The following DPP6 variants were observed in gnomAD, a reference collection of about 807,000 sequenced individuals.
The protein encoded by DPP6 is dipeptidyl peptidase like 6.
A neutral mutation model predicts 122.6 loss-of-function variants in DPP6; 69 were observed. That is an observed-to-expected ratio of 0.56 (90% CI 0.46 to 0.69). The LOEUF is 0.69. Among genes scored for constraint, DPP6 ranks in the 30% least tolerant of loss-of-function variants. DPP6 has a pLI of 0.00. For missense variants in DPP6, 928 were observed against 1,116.9 expected, an observed-to-expected ratio of 0.83 and a Z score of 2.41; for synonymous variants, 418 against 433.1, an observed-to-expected ratio of 0.97 and a Z score of 0.43.
the DPP6 span, among the ~76,000 whole-genome samples, chr7:153,755,756 G>A: frequency 2.8e-4 from 42 of 151,212 alleles, no homozygotes; most frequent in African/African-American, 9.9e-4. Flanking sequence ...CCCTTTCTGT[G>A]CTTTCCACTT....
At chr7:154,140,029 T>A (rs912442222) in intron 1 of DPP6, among the ~76,000 whole-genome samples, 1 of 152,170 alleles carries the variant, frequency 6.6e-6, no homozygotes, top group Non-Finnish European at 1.5e-5. Context: ...AAGATATCCA[T>A]CAGATCCTCC....
At position 154,540,312 on chromosome 7, in the gene DPP6, C is replaced by T. The variant is rs150698070; in HGVS notation, c.458-220C>T. 2.8e-3 allele frequency among the ~76,000 whole-genome samples: 430 copies of T among 152,238 alleles called. 3 individuals carry two copies. Among genetic ancestry groups the T allele is most frequent in the African/African-American group, 9.8e-3 (409 of 41,532 alleles). On this transcript the variant is annotated intron_variant, in intron 3 of 25. Coordinates refer to ENST00000377770, the MANE Select transcript of DPP6 (RefSeq NM_130797.4). ...TTCCAAAGGTTTTCGGTGTGTGCGC[C>T]TGTGCTTTCTATGTCAATGTGTAAA...
intron 6 of DPP6, among the ~76,000 whole-genome samples, chr7:154,638,476 T>A (rs1835866484): frequency 6.6e-6 from 1 of 152,178 alleles, no homozygotes; most frequent in Non-Finnish European, 1.5e-5. Context: ...TTGGCTGTGC[T>A]CCCAGGGCCG....
At chr7:154,258,734 C>T (rs1027428448) in intron 1 of DPP6, among the ~76,000 whole-genome samples, 2 of 152,024 alleles carry the variant, frequency 1.3e-5, no homozygotes, top group Admixed American at 6.5e-5. Context: ...TCTAAGAAAA[C>T]GTGTATTCCT....
intron 2 of DPP6, 135 bp downstream of exon 2, chr7:154,446,463 G>T: frequency 2.0e-6 from 1 of 507,418 alleles, no homozygotes; most frequent in Non-Finnish European, 3.4e-6. Context: ...TATGCCATAT[G>T]ATATAATATG....
At chr7:154,049,581 CATTTATTT>C (rs199596759), upstream of DPP6, among the ~76,000 whole-genome samples, 1 of 133,140 alleles carries the variant, frequency 7.5e-6, no homozygotes, top group East Asian at 2.0e-4. Flanking sequence ...AGGTATAGAA[CATTTATTT>C]ATTTATTTAT....
chr7:154,690,980 G>A (rs1261418506), intron 7 of DPP6, among the ~76,000 whole-genome samples: 1 of 152,222 alleles, frequency 6.6e-6, no homozygotes, highest in African/African-American at 2.4e-5. Flanking sequence ...GTAAAACATA[G>A]AACATTTCTC....
chr7:153,883,469 G>A (rs529628365), upstream of DPP6, among the ~76,000 whole-genome samples: 15 of 151,766 alleles, frequency 9.9e-5, no homozygotes, highest in African/African-American at 3.6e-4. Flanking sequence ...CACAACCTCC[G>A]CCTCCCGGGT....
chr7:154,556,902 G>C (rs1830083028), intron 4 of DPP6, among the ~76,000 whole-genome samples: 1 of 140,150 alleles, frequency 7.1e-6, no homozygotes, highest in Admixed American at 7.6e-5. Context: ...GATACATAGA[G>C]CAAACGTTCA....
At chr7:154,011,649 A>T (rs1052793975) in intron 1 of DPP6, among the ~76,000 whole-genome samples, 2 of 152,244 alleles carry the variant, frequency 1.3e-5, no homozygotes, top group Admixed American at 6.5e-5. Context: ...CTTAAAAGAA[A>T]TATTTGTTTG....
At chr7:154,363,003 A>G (rs773060064) in intron 1 of DPP6, among the ~76,000 whole-genome samples, 1 of 152,196 alleles carries the variant, frequency 6.6e-6, no homozygotes, top group South Asian at 2.1e-4. Context: ...GGCTGTCATC[A>G]TAACCCACCT....
chr7:154,289,872 G>A (rs550371704), intron 1 of DPP6, among the ~76,000 whole-genome samples: 9 of 152,282 alleles, frequency 5.9e-5, no homozygotes, highest in Non-Finnish European at 7.3e-5. Flanking sequence ...AATCCTGACC[G>A]AGTCTCATCC....
chr7:154,331,232 T>C (rs1181509315), intron 1 of DPP6, among the ~76,000 whole-genome samples: 1 of 152,204 alleles, frequency 6.6e-6, no homozygotes, highest in African/African-American at 2.4e-5. Flanking sequence ...TGGCAATTCA[T>C]TCATCTATCA....
chr7:154,080,994 GTT>G (rs1803961575), intron 1 of DPP6, among the ~76,000 whole-genome samples: 1 of 152,052 alleles, frequency 6.6e-6, no homozygotes, highest in Admixed American at 6.5e-5. Context: ...CCCTTGAGAT[GTT>G]TCTACATCCA....
chr7:154,011,110 G>T (rs1798134369), intron 1 of DPP6, among the ~76,000 whole-genome samples: 1 of 152,110 alleles, frequency 6.6e-6, no homozygotes, highest in South Asian at 2.1e-4. Flanking sequence ...TTGATCATCT[G>T]CCCTGGGCCA....
the DPP6 span, among the ~76,000 whole-genome samples, chr7:153,811,771 C>A: frequency 6.6e-6 from 1 of 152,186 alleles, no homozygotes; most frequent in Non-Finnish European, 1.5e-5. Flanking sequence ...CATTTTGAGG[C>A]CTTATGCACC....
rs528006750 is a variant in DPP6 at position 154,063,285 on chromosome 7, G to T, written c.243+10222G>T. Among the ~76,000 whole-genome samples the T allele has an allele frequency of 2.9e-3, 373 of 128,506 alleles. 45 individuals are homozygous for T. The highest frequency in any genetic ancestry group is 0.01 in the African/African-American group (357 of 34,658). The allele number at this position is 128,506 out of a possible 152,430, so 84.3% of individuals were successfully genotyped here. A position where few individuals can be genotyped will look rare whatever the true frequency, so the allele number is the denominator to read the frequency against. ...CTTAGGACCCCCATCGCAGAGGGGG[G>T]AGGGACCCCCCATGAGGCGGGGACT... On this transcript the variant is annotated intron_variant, in intron 1 of 25. Coordinates refer to ENST00000377770, the MANE Select transcript of DPP6 (RefSeq NM_130797.4).
chr7:154,118,318 CA>C (rs1397216368), intron 1 of DPP6, among the ~76,000 whole-genome samples: 29 of 149,700 alleles, frequency 1.9e-4, no homozygotes, highest in African/African-American at 7.2e-4. Context: ...AGGAACATGA[CA>C]ACATATTAGC....
intron 16 of DPP6, among the ~76,000 whole-genome samples, chr7:154,846,766 G>A (rs1801975626): frequency 6.6e-6 from 1 of 152,104 alleles, no homozygotes; most frequent in Non-Finnish European, 1.5e-5. Context: ...CATATGATGG[G>A]ATACTATGCA....
Sources: gnomAD v4.1 joint callset for allele counts (sites outside exome capture counted in the v4.1 genomes callset) on GRCh38, gnomAD v4.1.1 for gene constraint, MANE v1.5 for transcripts, NCBI Gene and HGNC (gene_info 2026-07-23, HGNC 2026-07-21) for gene names.